The following DLGAP2 variants were observed in gnomAD, a reference collection of about 807,000 sequenced individuals.
The protein encoded by DLGAP2 is disks large-associated protein 2.
A neutral mutation model predicts 100.3 loss-of-function variants in DLGAP2; 26 were observed. The ratio of observed to expected loss-of-function variants is 0.26; its 90% CI spans 0.19 to 0.36. The LOEUF is 0.36. DLGAP2 is among the 10% of genes least tolerant of loss of function. The pLI is 1.00. For synonymous variants in DLGAP2, 886 were observed against 630.1 expected, an observed-to-expected ratio of 1.41 and a Z score of -6.08; for missense variants, 1,858 against 1,453.2, an observed-to-expected ratio of 1.28 and a Z score of -4.53.
chr8:1,280,513 G>T (rs1799794481), intron 3 of DLGAP2, among the ~76,000 whole-genome samples: 1 of 152,200 alleles, frequency 6.6e-6, no homozygotes, highest in African/African-American at 2.4e-5. Context: ...GTAATAGTTT[G>T]GGGGTCTATA....
At chr8:804,787 A>T (rs1796236508) in intron 1 of DLGAP2, among the ~76,000 whole-genome samples, 1 of 152,014 alleles carries the variant, frequency 6.6e-6, no homozygotes, top group Non-Finnish European at 1.5e-5. Context: ...TTTTTTTTGG[A>T]CAGAGTCTCA....
intron 5 of DLGAP2, among the ~76,000 whole-genome samples, chr8:1,558,605 T>G (rs891971559): frequency 3.3e-5 from 5 of 150,462 alleles, no homozygotes; most frequent in African/African-American, 1.2e-4. Context: ...CACACCCATA[T>G]GCCTGCACAC....
chr8:1,188,948 C>T (rs922672085), intron 2 of DLGAP2, among the ~76,000 whole-genome samples: 3 of 152,092 alleles, frequency 2.0e-5, no homozygotes, highest in East Asian at 1.9e-4. Context: ...GCCGGTTCCG[C>T]GGTTGGGGTT....
intron 2 of DLGAP2, among the ~76,000 whole-genome samples, chr8:1,056,381 C>G (rs1336929305): frequency 6.6e-6 from 1 of 152,150 alleles, no homozygotes; most frequent in Non-Finnish European, 1.5e-5. Flanking sequence ...CCTGGTTTAC[C>G]TCAGCCTTCT....
intron 1 of DLGAP2, among the ~76,000 whole-genome samples, chr8:867,308 T>C (rs1005516781): frequency 7.2e-5 from 11 of 152,246 alleles, no homozygotes; most frequent in African/African-American, 2.7e-4. Flanking sequence ...GTATGTATAA[T>C]TATTCCAACT....
chr8:872,125 G>A (rs944726626), intron 1 of DLGAP2, among the ~76,000 whole-genome samples: 2 of 152,046 alleles, frequency 1.3e-5, no homozygotes, highest in African/African-American at 4.8e-5. Context: ...TGCTATGTGT[G>A]TATTTAGTGA....
chr8:1,288,279 G>C (rs1799985307), intron 3 of DLGAP2, among the ~76,000 whole-genome samples: 2 of 137,108 alleles, frequency 1.5e-5, no homozygotes, highest in South Asian at 5.0e-4. Context: ...AGGGGAACTT[G>C]TTTTGGTTCA....
intron 3 of DLGAP2, among the ~76,000 whole-genome samples, chr8:1,391,517 T>C (rs996001447): frequency 6.6e-6 from 1 of 152,094 alleles, no homozygotes; most frequent in African/African-American, 2.4e-5. Context: ...TGGCCCCACG[T>C]AATGAGAGTA....
At chr8:1,577,914 C>A (rs531462074) in intron 6 of DLGAP2, among the ~76,000 whole-genome samples, 2 of 152,194 alleles carry the variant, frequency 1.3e-5, no homozygotes, top group Non-Finnish European at 2.9e-5. Flanking sequence ...GGCACCAGCG[C>A]GAGTGCTCAT....
At chr8:1,020,015 T>G (rs946772139) in intron 2 of DLGAP2, among the ~76,000 whole-genome samples, 2 of 152,216 alleles carry the variant, frequency 1.3e-5, no homozygotes, top group African/African-American at 4.8e-5. Flanking sequence ...GAAGTTAAGT[T>G]GCTTAACATT....
chr8:1,097,046 A>G (rs113548603), intron 2 of DLGAP2, among the ~76,000 whole-genome samples: 5 of 50,910 alleles, frequency 9.8e-5, no homozygotes, highest in Non-Finnish European at 1.7e-4. Flanking sequence ...CCTTCACCCT[A>G]TGTGGCATGG....
chr8:1,521,955 T>G (rs1800614608), intron 4 of DLGAP2, among the ~76,000 whole-genome samples: 1 of 140,082 alleles, frequency 7.1e-6, no homozygotes, highest in Non-Finnish European at 1.5e-5. Flanking sequence ...TTTGGAATAC[T>G]CGGCAGCTGA....
chr8:1,343,503 C>T (rs79318425), intron 3 of DLGAP2, among the ~76,000 whole-genome samples: 1 of 152,098 alleles, frequency 6.6e-6, no homozygotes, highest in Non-Finnish European at 1.5e-5. Context: ...CCACATGGCC[C>T]AGGGCCCAGG....
intron 2 of DLGAP2, among the ~76,000 whole-genome samples, chr8:1,057,716 A>G (rs919617990): frequency 6.6e-6 from 1 of 152,220 alleles, no homozygotes; most frequent in African/African-American, 2.4e-5. Flanking sequence ...GTGGCCTTTC[A>G]TCTTTGAGAA....
chr8:1,701,386 G>T lies in DLGAP2; in HGVS notation c.3148G>T (p.Glu1050Ter). The T allele has an allele frequency of 6.3e-7, 1 of 1,595,572 alleles. No homozygotes were observed. Among genetic ancestry groups the T allele is most frequent in the Non-Finnish European group, 8.5e-7 (1 of 1,172,128 alleles). Reference sequence around the variant, plus strand: ...GGACAGCATCGAGATCTACATCCCCGAGGCCCAGACCCGGCTCTGAGGGCG... The same window carrying T: ...GGACAGCATCGAGATCTACATCCCCTAGGCCCAGACCCGGCTCTGAGGGCG... ...RADSIEIYIP[E>*]AQTRL Residue 1050 changes from glutamate (E) to a stop codon, truncating the protein, a stop_gained, in exon 15 of 15, where the codon GAG (glutamate) becomes TAG (stop). Transcript: ENST00000637795. LOFTEE classifies it high-confidence loss of function.
intron 2 of DLGAP2, among the ~76,000 whole-genome samples, chr8:925,361 A>T (rs1205230601): frequency 6.6e-6 from 1 of 152,028 alleles, no homozygotes; most frequent in Non-Finnish European, 1.5e-5. Flanking sequence ...GGCTTAAGCG[A>T]TCCTCCCAGC....
chr8:1,289,259 G>T (rs750291294), intron 3 of DLGAP2, among the ~76,000 whole-genome samples: 1 of 152,194 alleles, frequency 6.6e-6, no homozygotes, highest in African/African-American at 2.4e-5. Context: ...CAGTAAGTTT[G>T]CTATAGGATT....
intron 1 of DLGAP2, among the ~76,000 whole-genome samples, chr8:841,505 A>T (rs900250484): frequency 8.5e-5 from 13 of 152,232 alleles, no homozygotes; most frequent in Non-Finnish European, 1.6e-4. Context: ...CGACCCGGTT[A>T]CTAGGGGTGT....
intron 4 of DLGAP2, among the ~76,000 whole-genome samples, chr8:1,525,496 A>T (rs1206758653): frequency 6.6e-6 from 1 of 152,196 alleles, no homozygotes; most frequent in Non-Finnish European, 1.5e-5. Context: ...CAGAACAGGG[A>T]GGTGGGCAGA....
Sources: gnomAD v4.1 joint callset for allele counts (sites outside exome capture counted in the v4.1 genomes callset) on GRCh38, gnomAD v4.1.1 for gene constraint, MANE v1.5 for transcripts, NCBI Gene and HGNC (gene_info 2026-07-23, HGNC 2026-07-21) for gene names.